The following PTPRD variants were observed in gnomAD, a reference collection of about 807,000 sequenced individuals.
PTPRD encodes receptor-type tyrosine-protein phosphatase delta.
In PTPRD, 34 loss-of-function variants were observed where a neutral mutation model predicts 214.5. The observed-to-expected ratio is 0.16, with a 90% confidence interval of 0.12 to 0.21. The LOEUF (loss-of-function observed/expected upper bound fraction) is 0.21. Ranked by LOEUF, PTPRD falls within the 10% of genes least tolerant of loss-of-function variation. PTPRD has a pLI of 1.00. For missense variants in PTPRD, 2,545 were observed against 2,398.7 expected (o/e 1.06, Z -1.27); for synonymous variants, 1,128 against 845.7 (o/e 1.33, Z -5.79).
chr9:10,287,889 G>C (rs1322966840), intron 3 of PTPRD, among the ~76,000 whole-genome samples: 1 of 151,814 alleles, frequency 6.6e-6, no homozygotes, highest in Admixed American at 6.6e-5. Flanking sequence ...CAGACAGAGG[G>C]GGTTTTCTCT....
chr9:9,368,652 A>T (rs1273070035), intron 9 of PTPRD, among the ~76,000 whole-genome samples: 1 of 151,932 alleles, frequency 6.6e-6, no homozygotes, highest in African/African-American at 2.4e-5. Context: ...TGGTGGACTA[A>T]TTCAGTTAAA....
intron 10 of PTPRD, among the ~76,000 whole-genome samples, chr9:9,168,547 G>T (rs996615473): frequency 6.6e-6 from 1 of 151,942 alleles, no homozygotes; most frequent in African/African-American, 2.4e-5. Context: ...AATGTCTTTT[G>T]TTTAAAATAC....
chr9:10,146,781 A>C (rs558104791), intron 3 of PTPRD, among the ~76,000 whole-genome samples: 1 of 152,220 alleles, frequency 6.6e-6, no homozygotes, highest in African/African-American at 2.4e-5. Flanking sequence ...AGAAGAAAAA[A>C]AAGAGGTTTG....
intron 14 of PTPRD, among the ~76,000 whole-genome samples, chr9:8,600,209 T>C (rs952015885): frequency 6.6e-6 from 1 of 152,178 alleles, no homozygotes; most frequent in Admixed American, 6.5e-5. Context: ...AGGGGGCATT[T>C]GGACTGGCCT....
At chr9:9,170,780 A>G (rs978257929) in intron 10 of PTPRD, among the ~76,000 whole-genome samples, 1 of 152,226 alleles carries the variant, frequency 6.6e-6, no homozygotes, top group Admixed American at 6.5e-5. Context: ...GTAGGAAGAC[A>G]GTAAGTTGAG....
intron 3 of PTPRD, among the ~76,000 whole-genome samples, chr9:10,109,566 C>A (rs2098670970): frequency 1.3e-5 from 2 of 152,154 alleles, no homozygotes; most frequent in Admixed American, 1.3e-4. Context: ...AACTTTTACT[C>A]AGGCAACTCT....
intron 9 of PTPRD, among the ~76,000 whole-genome samples, chr9:9,239,986 A>G (rs953164116): frequency 2.6e-5 from 4 of 152,172 alleles, no homozygotes; most frequent in African/African-American, 9.6e-5. Context: ...TGGTTAAGAC[A>G]AGGCTAGCTA....
rs552183413 is a variant in PTPRD, at chr9:9,272,848, A to G, written c.-202-89485T>C. ...GTGCCAAGATATTCTGTGGTGATGC[A>G]GTGAGCTCAAAGAAGTGCCCTGAAA... On this transcript the variant is annotated intron_variant, in intron 9 of 45. Transcript: ENST00000381196. Among the ~76,000 whole-genome samples, 24 of 151,416 alleles carry G rather than the reference A, an allele frequency of 1.6e-4. No homozygotes were observed. In the South Asian group the frequency reaches 5.0e-3, roughly 31 times the overall value.
intron 2 of PTPRD, among the ~76,000 whole-genome samples, chr9:10,360,653 A>G (rs2154468289): frequency 6.6e-6 from 1 of 152,328 alleles, no homozygotes; most frequent in South Asian, 2.1e-4. Context: ...GAATCCCTTT[A>G]GATTCATAAA....
At chr9:8,682,409 G>A (rs2097568806) in intron 12 of PTPRD, among the ~76,000 whole-genome samples, 1 of 143,852 alleles carries the variant, frequency 7.0e-6, no homozygotes, top group Non-Finnish European at 1.5e-5. Flanking sequence ...TGTTTGGGGG[G>A]ATACATATCC....
chr9:8,651,963 G>T (rs2096821305), intron 12 of PTPRD, among the ~76,000 whole-genome samples: 1 of 152,164 alleles, frequency 6.6e-6, no homozygotes, highest in African/African-American at 2.4e-5. Context: ...TGCAGACCCT[G>T]GTAGCAGCTC....
At chr9:10,153,355 A>G (rs2099073546) in intron 3 of PTPRD, among the ~76,000 whole-genome samples, 1 of 151,648 alleles carries the variant, frequency 6.6e-6, no homozygotes, top group South Asian at 2.1e-4. Flanking sequence ...ATTTTGATAA[A>G]GAAAAATTTA....
At chr9:9,613,276 G>T (rs930529914) in intron 7 of PTPRD, among the ~76,000 whole-genome samples, 2 of 151,172 alleles carry the variant, frequency 1.3e-5, no homozygotes, top group African/African-American at 4.9e-5. Context: ...CATTGATAAT[G>T]AACATAATTA....
intron 8 of PTPRD, among the ~76,000 whole-genome samples, chr9:9,412,249 TAATA>T (rs2075682398): frequency 6.6e-6 from 1 of 152,220 alleles, no homozygotes; most frequent in South Asian, 2.1e-4. Context: ...TTTCAAATGA[TAATA>T]AATTCGCTTT....
intron 3 of PTPRD, among the ~76,000 whole-genome samples, chr9:10,149,249 A>G (rs142736472): frequency 4.6e-5 from 7 of 152,278 alleles, no homozygotes; most frequent in African/African-American, 1.7e-4. Context: ...TTTTCATCCA[A>G]TATTTTTACT....
At chr9:8,970,725 A>G (rs1479983198) in intron 11 of PTPRD, among the ~76,000 whole-genome samples, 2 of 151,784 alleles carry the variant, frequency 1.3e-5, no homozygotes, top group South Asian at 2.1e-4. Flanking sequence ...TTCAAAACCA[A>G]CCTAACAAAC....
chr9:9,956,735 G>C (rs1392613196), intron 4 of PTPRD, among the ~76,000 whole-genome samples: 1 of 152,108 alleles, frequency 6.6e-6, no homozygotes, highest in Non-Finnish European at 1.5e-5. Flanking sequence ...CCTAGTAATA[G>C]AGACAGATCA....
chr9:9,772,980 C>T (rs147493904), intron 5 of PTPRD, among the ~76,000 whole-genome samples: 1 of 152,090 alleles, frequency 6.6e-6, no homozygotes, highest in South Asian at 2.1e-4. Flanking sequence ...AGGAAATAAG[C>T]TAAATGCCTT....
intron 11 of PTPRD, among the ~76,000 whole-genome samples, chr9:8,949,982 A>G (rs1303716807): frequency 2.0e-5 from 3 of 152,124 alleles, no homozygotes; most frequent in African/African-American, 4.8e-5. Context: ...GTACAGGGAG[A>G]TTGTCTATCA....
Sources: gnomAD v4.1 joint callset for allele counts (sites outside exome capture counted in the v4.1 genomes callset) on GRCh38, gnomAD v4.1.1 for gene constraint, MANE v1.5 for transcripts, NCBI Gene and HGNC (gene_info 2026-07-23, HGNC 2026-07-21) for gene names.